Variants in RFWD3 observed in about 807,000 individuals in gnomAD.
RFWD3 encodes the protein E3 ubiquitin-protein ligase RFWD3.
Under a neutral mutation model 87.7 loss-of-function variants are expected in RFWD3, and 65 were observed. The ratio of observed to expected loss-of-function variants is 0.74; its 90% CI spans 0.61 to 0.91. The LOEUF (loss-of-function observed/expected upper bound fraction) is 0.91. RFWD3 is among the 40% of genes least tolerant of loss of function. The pLI is 0.00. For synonymous variants in RFWD3, 433 were observed against 352.8 expected (o/e 1.23, Z -2.55); for missense variants, 1,078 against 938.5 (o/e 1.15, Z -1.94).
intron 2 of RFWD3, among the ~76,000 whole-genome samples, chr16:74,654,260 C>G (rs149384933): frequency 2.0e-3 from 310 of 152,122 alleles, no homozygotes; most frequent in African/African-American, 7.1e-3. Flanking sequence ...TTAGAAGAAC[C>G]AACTTTTTGA....
intron 8 of RFWD3, among the ~76,000 whole-genome samples, chr16:74,636,133 C>A (rs953572778): frequency 1.3e-5 from 2 of 152,158 alleles, no homozygotes; most frequent in Non-Finnish European, 2.9e-5. Context: ...TCATGGTTAT[C>A]AGTATTTCTA....
rs1959282790 is a variant in RFWD3, at chr16:74,637,879, T to C, written c.1171A>G (p.Thr391Ala). The change falls in exon 7 of 13, where the codon ACT becomes GCT. Residue 391 changes from threonine (T) to alanine (A), a missense_variant. By Grantham distance (58) the Thr-to-Ala change is moderately conservative. Coordinates refer to ENST00000361070, the MANE Select transcript of RFWD3 (RefSeq NM_018124.4). ...ACCTGAACACGCCTTTGAAGCCTAG[T>C]GCACTTATCAGTGAGGACCTGCAGT... ...LQLQVLTDKC[T>A]RLQRRVQDLQ... is the part of the protein sequence containing the mutation. The C allele has an allele frequency of 6.2e-7, 1 of 1,612,808 alleles. No homozygotes were observed. Among genetic ancestry groups the C allele is most frequent in the Non-Finnish European group, 8.5e-7 (1 of 1,179,636 alleles).
chr16:74,630,197 T>C (rs1170358642), intron 10 of RFWD3, among the ~76,000 whole-genome samples: 1 of 152,072 alleles, frequency 6.6e-6, no homozygotes, highest in East Asian at 1.9e-4. Context: ...CGAGGCTCAA[T>C]AGATTCTTCT....
intron 1 of RFWD3, among the ~76,000 whole-genome samples, chr16:74,662,873 G>A (rs983006038): frequency 6.6e-6 from 1 of 151,964 alleles, no homozygotes; most frequent in African/African-American, 2.4e-5. Flanking sequence ...AAAACAAACA[G>A]ACAGCTTTAA....
chr16:74,639,936 A>G (rs897533622), intron 6 of RFWD3, among the ~76,000 whole-genome samples: 26 of 152,118 alleles, frequency 1.7e-4, no homozygotes, highest in African/African-American at 6.3e-4. Context: ...CCACACTCAC[A>G]TAACTTACTA....
Position 74,638,028 on chromosome 16 carries a change from T to A in RFWD3, c.1080-58A>T. 11 of 1,152,774 alleles carry A rather than the reference T, an allele frequency of 9.5e-6. No individual in the cohort carries two copies. The South Asian group carries it at 1.4e-4, about 15-fold the overall frequency. The allele number at this position is 1,152,774 out of a possible 1,614,324, so 71.4% of individuals were successfully genotyped here. ...TAGGAAGGCTACAGAAGACTTCCCATCCAGGTGGCAGAGTTAAGTTCATGC... is the reference window on the plus strand; with the variant it reads ...TAGGAAGGCTACAGAAGACTTCCCAACCAGGTGGCAGAGTTAAGTTCATGC... On this transcript the variant is annotated intron_variant, in intron 6 of 12. Transcript: ENST00000361070.
chr16:74,661,294 G>A lies in RFWD3; in HGVS notation c.156C>T (p.Ile52=), dbSNP rs752680285. Residue 52 remains isoleucine (I), a synonymous_variant, in exon 2 of 13, where the codon ATC becomes ATT. Coordinates refer to ENST00000361070, the MANE Select transcript of RFWD3 (RefSeq NM_018124.4). ...DVVSSQGVPS[I]LQPAPAEVIS... ...TCACCTCAGCAGGAGCTGGCTGGAG[G>A]ATGGATGGTACCCCCTGGCTGCTGA... 5.6e-6 allele frequency: 9 copies of A among 1,613,874 alleles called. No individual in the cohort carries two copies. The African/African-American group carries it at 8.0e-5, about 14-fold the overall frequency.
intron 2 of RFWD3, among the ~76,000 whole-genome samples, chr16:74,659,836 A>T (rs1961287613): frequency 6.6e-6 from 1 of 152,228 alleles, no homozygotes; most frequent in Non-Finnish European, 1.5e-5. Flanking sequence ...TCATTTGTAA[A>T]ACATGGGTAA....
At chr16:74,659,581 C>T (rs1455932013) in intron 2 of RFWD3, among the ~76,000 whole-genome samples, 3 of 142,902 alleles carry the variant, frequency 2.1e-5, no homozygotes. Flanking sequence ...AGTGACAGAG[C>T]AAGACTCTTG....
intron 6 of RFWD3, among the ~76,000 whole-genome samples, chr16:74,642,837 G>T (rs1256084925): frequency 6.6e-6 from 1 of 152,160 alleles, no homozygotes; most frequent in Non-Finnish European, 1.5e-5. Flanking sequence ...AAAACATTAA[G>T]ATTTGATAAA....
chr16:74,641,485 A>G (rs1959640544), intron 6 of RFWD3, among the ~76,000 whole-genome samples: 2 of 152,044 alleles, frequency 1.3e-5, no homozygotes, highest in African/African-American at 4.8e-5. Context: ...TTTTGACTAG[A>G]GAACTAGAAT....
intron 2 of RFWD3, among the ~76,000 whole-genome samples, chr16:74,657,293 A>G (rs1961061950): frequency 6.6e-6 from 1 of 152,194 alleles, no homozygotes; most frequent in African/African-American, 2.4e-5. Context: ...ATAGAGCTCA[A>G]TGAGATTCGG....
rs774281771 is a variant in RFWD3 at position 74,630,634 on chromosome 16, T to C, written c.1754+147A>G. 2.3e-5 allele frequency: 13 copies of C among 571,520 alleles called. No individual in the cohort carries two copies. The East Asian group carries it at 3.1e-4, about 14-fold the overall frequency. 35.4% of individuals were successfully genotyped at this position (571,520 alleles called of 1,614,324 possible). On this transcript the variant is annotated intron_variant, in intron 10 of 12. Transcript: ENST00000361070. ...CAAACTCTTATTAATAAGAATGTTA[T>C]TGATTCTGAAGTGAGATCAAGTGGA...
At chr16:74,633,604 A>T (rs145776653) in intron 8 of RFWD3, among the ~76,000 whole-genome samples, 1 of 152,206 alleles carries the variant, frequency 6.6e-6, no homozygotes, top group East Asian at 1.9e-4. Context: ...ATGGGAGAGG[A>T]GGGAGGGGCA....
chr16:74,628,589 G>C lies in RFWD3; in HGVS notation c.1832C>G (p.Thr611Ser), dbSNP rs763875920. 26 of 1,614,036 alleles carry C rather than the reference G, an allele frequency of 1.6e-5. No homozygotes were observed. In the South Asian group the frequency reaches 2.4e-4, roughly 15 times the overall value. Reference protein sequence around the residue: ...AFPYGGVLAGTLEDASFWEQK... With the variant: ...AFPYGGVLAGSLEDASFWEQK... ...TTCCCAGAATGAAGCATCCTCCAAG[G>C]TTCCAGCCAGCACCCCACCATATGG... is the stretch of plus-strand genomic sequence containing the variant. The change falls in exon 11 of 13, where the codon ACC becomes AGC. Residue 611 changes from threonine (T) to serine (S), a missense_variant. Coordinates refer to ENST00000361070, the MANE Select transcript of RFWD3 (RefSeq NM_018124.4).
chr16:74,637,135 A>AAC (rs1360528993), intron 7 of RFWD3, among the ~76,000 whole-genome samples: 1 of 150,624 alleles, frequency 6.6e-6, no homozygotes, highest in Non-Finnish European at 1.5e-5. Context: ...AAAAAAAAAA[A>AAC]AAAAAAAAAA....
At chr16:74,647,628 G>C (rs538284753) in intron 4 of RFWD3, among the ~76,000 whole-genome samples, 1 of 151,636 alleles carries the variant, frequency 6.6e-6, no homozygotes, top group Non-Finnish European at 1.5e-5. Context: ...GTCGTGCTCC[G>C]TCTCCCAAGC....
At chr16:74,652,260 G>T in intron 2 of RFWD3, 138 bp from the exon 3 acceptor site, 1 of 731,380 alleles carries the variant, frequency 1.4e-6, no homozygotes, top group Non-Finnish European at 2.2e-6. Context: ...GCTGAAGCAG[G>T]TATAGCAGAT....
At chr16:74,647,580 G>A (rs150100948) in intron 4 of RFWD3, among the ~76,000 whole-genome samples, 3 of 151,850 alleles carry the variant, frequency 2.0e-5, no homozygotes, top group East Asian at 1.9e-4. Flanking sequence ...GAGCCACTGC[G>A]CCCGGCCAAC....
Sources: allele counts gnomAD v4.1 joint callset (sites outside exome capture counted in the v4.1 genomes callset), GRCh38; gene constraint gnomAD v4.1.1; transcripts MANE v1.5; gene names NCBI Gene and HGNC (gene_info 2026-07-23, HGNC 2026-07-21).